ZBTB20: variants seen among roughly 807,000 people sequenced by gnomAD.
ZBTB20 encodes zinc finger and BTB domain containing 20, also known as zinc finger and BTB domain-containing protein 20.
In ZBTB20, 9 loss-of-function variants were observed where a neutral mutation model predicts 56.9. The observed-to-expected ratio is 0.16, with a 90% CI of 0.10 to 0.28. The LOEUF is 0.28. Ranked by LOEUF, ZBTB20 falls within the 10% of genes least tolerant of loss-of-function variation. The probability of loss-of-function intolerance (pLI) is 1.00; values close to 1 mark genes in which losing one functional copy is unlikely to be tolerated. For synonymous variants in ZBTB20, 417 were observed against 420.7 expected (o/e 0.99, Z 0.11); for missense variants, 655 against 1,003.0 (o/e 0.65, Z 4.69).
chr3:115,034,654 C>T (rs2080841324), intron 2 of ZBTB20, among the ~76,000 whole-genome samples: 1 of 151,706 alleles, frequency 6.6e-6, no homozygotes, highest in Admixed American at 6.6e-5. Flanking sequence ...TCAGTTCTGC[C>T]CAAAGTAAGA....
In ZBTB20 at chr3:114,492,323, T is replaced by A. The variant is rs116927460; in HGVS notation, c.-255+8029A>T. On this transcript the variant is annotated intron_variant, in intron 7 of 11. Transcript: ENST00000675478. ...ACCTGTGCAATATGCTCACTATGTA[T>A]CTATCCAAAGTACCTCACACTCAAC... is the stretch of plus-strand genomic sequence containing the variant. 3.9e-3 allele frequency among the ~76,000 whole-genome samples: 597 copies of A among 152,320 alleles called. 19 individuals are homozygous for A. The East Asian group carries it at 0.073, about 19-fold the overall frequency.
At position 115,079,321 on chromosome 3, in the gene ZBTB20, T is replaced by G. The variant is rs575183290; in HGVS notation, c.-702-7907A>C. On this transcript the variant is annotated intron_variant, in intron 1 of 11. Transcript: ENST00000675478. ...TTAAAACAGAAGTAATGGAAATATGTGCGCATAGCTACAAAATATCATAAT... is the reference window on the plus strand; with the variant it reads ...TTAAAACAGAAGTAATGGAAATATGGGCGCATAGCTACAAAATATCATAAT... 2.8e-4 allele frequency among the ~76,000 whole-genome samples: 43 copies of G among 152,308 alleles called. 1 individual carries two copies. The highest frequency in any genetic ancestry group is 1.0e-3 in the African/African-American group (42 of 41,574).
intron 2 of ZBTB20, among the ~76,000 whole-genome samples, chr3:115,064,367 TG>T (rs2082124951): frequency 6.6e-6 from 1 of 151,728 alleles, no homozygotes; most frequent in Non-Finnish European, 1.5e-5. Context: ...AAAATAAAAA[TG>T]TTTTTTCTAC....
intron 6 of ZBTB20, among the ~76,000 whole-genome samples, chr3:114,668,532 C>T (rs1269799811): frequency 1.3e-5 from 2 of 151,920 alleles, no homozygotes; most frequent in African/African-American, 2.4e-5. Context: ...GGAATAAAAC[C>T]TTGTTTGTGT....
chr3:114,342,800 A>T (rs2079885169), intron 11 of ZBTB20, among the ~76,000 whole-genome samples: 1 of 152,246 alleles, frequency 6.6e-6, no homozygotes, highest in Admixed American at 6.5e-5. Flanking sequence ...ATTATTTCAG[A>T]TAATCAGTAA....
chr3:114,657,093 T>A (rs1444770875), intron 6 of ZBTB20, among the ~76,000 whole-genome samples: 1 of 152,258 alleles, frequency 6.6e-6, no homozygotes, highest in Admixed American at 6.5e-5. Flanking sequence ...ACTGGTAATT[T>A]TTGAATTACA....
rs1439227026 is a variant in ZBTB20, at chr3:114,317,784, C to T, written c.*21221G>A. On this transcript the variant is annotated 3_prime_UTR_variant, in exon 12 of 12. Transcript: ENST00000675478. ...TCGGTCCCACAATCCTTAAGAAAAA[C>T]GGTATTTTGCAAGTTTGTGTGTGTG... The T allele has an allele frequency of 6.6e-6, 1 of 152,010 alleles. No homozygotes were observed. Among genetic ancestry groups the T allele is most frequent in the East Asian group, 1.9e-4 (1 of 5,184 alleles). 9.4% of individuals were successfully genotyped at this position (152,010 alleles called of 1,614,324 possible).
chr3:114,507,786 T>C (rs1322544233), intron 6 of ZBTB20, among the ~76,000 whole-genome samples: 4 of 152,110 alleles, frequency 2.6e-5, no homozygotes, highest in Non-Finnish European at 5.9e-5. Flanking sequence ...CCCTAAAAAT[T>C]ATACAGAATC....
intron 6 of ZBTB20, among the ~76,000 whole-genome samples, chr3:114,535,567 G>A (rs1335846222): frequency 6.6e-6 from 1 of 152,150 alleles, no homozygotes; most frequent in Non-Finnish European, 1.5e-5. Context: ...GAGATACAAA[G>A]AGGAGCTGGT....
In ZBTB20 at chr3:114,319,747, C is replaced by A. The variant is rs1294369641; in HGVS notation, c.*19258G>T. On this transcript the variant is annotated 3_prime_UTR_variant, in exon 12 of 12. Coordinates refer to ENST00000675478, the MANE Select transcript of ZBTB20 (RefSeq NM_001348800.3). Reference sequence around the variant, plus strand: ...AGGTAGCACATGGGAAGTCAGAGGACTGAAGCGTGTCCATGTGTGTACTGT... The same window carrying A: ...AGGTAGCACATGGGAAGTCAGAGGAATGAAGCGTGTCCATGTGTGTACTGT... 2 of 152,088 alleles carry A rather than the reference C, an allele frequency of 1.3e-5. No individual in the cohort carries two copies. Among genetic ancestry groups the A allele is most frequent in the Non-Finnish European group, 2.9e-5 (2 of 68,040 alleles). 9.4% of individuals were successfully genotyped at this position (152,088 alleles called of 1,614,324 possible).
intron 1 of ZBTB20, among the ~76,000 whole-genome samples, chr3:115,086,765 GT>G (rs1453921357): frequency 6.6e-5 from 10 of 151,792 alleles, no homozygotes; most frequent in Non-Finnish European, 1.2e-4. Context: ...ACTAGTCTGT[GT>G]TTGTACTATG....
At chr3:114,934,635 CT>C (rs901155463) in intron 3 of ZBTB20, among the ~76,000 whole-genome samples, 2 of 151,414 alleles carry the variant, frequency 1.3e-5, no homozygotes, top group Non-Finnish European at 1.5e-5. Context: ...CTCTTTCTAT[CT>C]TTTTTTTTCT....
rs911256606 is a variant in ZBTB20 at position 114,352,067 on chromosome 3, T to G, written c.200-189A>C. The G allele has an allele frequency of 2.7e-5, 20 of 747,850 alleles. No individual in the cohort carries two copies. In the Admixed American group the frequency reaches 5.9e-4, roughly 22 times the overall value. The allele number at this position is 747,850 out of a possible 1,614,324, so 46.3% of individuals were successfully genotyped here. On this transcript the variant is annotated intron_variant, in intron 10 of 11. Transcript: ENST00000675478. Reference sequence around the variant, plus strand: ...TACGATGACCTGAGGGAAAAGGACCTTGAATTTTGCTCCAATTCCGGCCTT... The same window carrying G: ...TACGATGACCTGAGGGAAAAGGACCGTGAATTTTGCTCCAATTCCGGCCTT...
At chr3:115,014,279 TA>T (rs2079849353) in intron 2 of ZBTB20, among the ~76,000 whole-genome samples, 1 of 151,386 alleles carries the variant, frequency 6.6e-6, no homozygotes, top group Non-Finnish European at 1.5e-5. Context: ...TTGTTTGGGG[TA>T]GGGGGAGAAG....
At chr3:115,045,893 C>G (rs942747659) in intron 2 of ZBTB20, among the ~76,000 whole-genome samples, 3 of 152,130 alleles carry the variant, frequency 2.0e-5, no homozygotes, top group Admixed American at 1.3e-4. Flanking sequence ...TGCTAGATCA[C>G]TTGATGAGGG....
intron 6 of ZBTB20, among the ~76,000 whole-genome samples, chr3:114,681,888 T>C (rs1471306654): frequency 6.6e-6 from 1 of 152,184 alleles, no homozygotes; most frequent in Non-Finnish European, 1.5e-5. Context: ...CATGCTATAT[T>C]GCTTCATTAG....
chr3:114,767,699 C>T (rs182781312), intron 5 of ZBTB20, among the ~76,000 whole-genome samples: 13 of 152,020 alleles, frequency 8.6e-5, no homozygotes, highest in Admixed American at 1.3e-4. Context: ...CATCCTTTCC[C>T]CACTGGCTGG....
Position 114,764,266 on chromosome 3 carries a change from T to C in ZBTB20, c.-343+36835A>G, listed in dbSNP as rs1467438766. ...CTCTCTCTCTCTTTTTTTTTTTTTT[T>C]GTCCTGTACTGCCAGGTTGGAATAA... is the stretch of plus-strand genomic sequence containing the variant. On this transcript the variant is annotated intron_variant, in intron 5 of 11. Coordinates refer to ENST00000675478, the MANE Select transcript of ZBTB20 (RefSeq NM_001348800.3). Among the ~76,000 whole-genome samples the C allele has an allele frequency of 1.3e-4, 13 of 96,742 alleles. No homozygotes were observed. In the East Asian group the frequency reaches 2.4e-3, roughly 18 times the overall value. The allele number at this position is 96,742 out of a possible 152,430, so 63.5% of individuals were successfully genotyped here. A position where few individuals can be genotyped will look rare whatever the true frequency, so the allele number is the denominator to read the frequency against.
At chr3:114,586,346 C>A (rs1362831453) in intron 6 of ZBTB20, among the ~76,000 whole-genome samples, 1 of 152,148 alleles carries the variant, frequency 6.6e-6, no homozygotes, top group African/African-American at 2.4e-5. Context: ...CTGTGAGAGA[C>A]AATAAAATTA....
Sources: allele counts gnomAD v4.1 joint callset (sites outside exome capture counted in the v4.1 genomes callset), GRCh38; gene constraint gnomAD v4.1.1; transcripts MANE v1.5; gene names NCBI Gene and HGNC (gene_info 2026-07-23, HGNC 2026-07-21).